The following RERE variants were observed in gnomAD, a reference collection of about 807,000 sequenced individuals.
The protein encoded by RERE is arginine-glutamic acid dipeptide repeats protein.
Under a neutral mutation model 146.1 loss-of-function variants are expected in RERE, and 40 were observed. That is an observed-to-expected ratio of 0.27 (90% CI 0.21 to 0.36). RERE has a LOEUF of 0.36. Ranked by LOEUF, RERE falls within the 10% of genes least tolerant of loss-of-function variation. The probability of loss-of-function intolerance (pLI) is 1.00; values close to 1 mark genes in which losing one functional copy is unlikely to be tolerated. For missense variants in RERE, 1,933 were observed against 2,138.7 expected (o/e 0.90, Z 1.90); for synonymous variants, 1,003 against 866.0 (o/e 1.16, Z -2.78).
At chr1:8,609,920 C>G (rs1232689993) in intron 4 of RERE, among the ~76,000 whole-genome samples, 1 of 152,066 alleles carries the variant, frequency 6.6e-6, no homozygotes, top group African/African-American at 2.4e-5. Flanking sequence ...AGACACATGC[C>G]ACCACACCCA....
At chr1:8,428,188 T>C (rs1404911334) in intron 11 of RERE, among the ~76,000 whole-genome samples, 1 of 152,214 alleles carries the variant, frequency 6.6e-6, no homozygotes, top group Non-Finnish European at 1.5e-5. Flanking sequence ...AGTCACTGAC[T>C]TGGCCACTGC....
At chr1:8,525,956 A>T in intron 7 of RERE, 1 of 1,345,672 alleles carries the variant, frequency 7.4e-7, no homozygotes, top group Non-Finnish European at 9.5e-7. Flanking sequence ...CAGAACGCAG[A>T]AACTTCCCCT....
chr1:8,357,028 G>C (rs901081555), intron 20 of RERE, among the ~76,000 whole-genome samples: 1 of 152,124 alleles, frequency 6.6e-6, no homozygotes, highest in Non-Finnish European at 1.5e-5. Flanking sequence ...CGGCCTTCTC[G>C]AAACCGCCAT....
At chr1:8,506,314 A>G (rs1055432733) in intron 8 of RERE, among the ~76,000 whole-genome samples, 1 of 152,236 alleles carries the variant, frequency 6.6e-6, no homozygotes, top group East Asian at 1.9e-4. Flanking sequence ...GTCCTCCTGC[A>G]GCTTCTTTCA....
chr1:8,560,739 T>C (rs1004747929), intron 4 of RERE, among the ~76,000 whole-genome samples: 2 of 152,188 alleles, frequency 1.3e-5, no homozygotes, highest in Non-Finnish European at 2.9e-5. Context: ...CACAGAAAAA[T>C]CTGAAGAACT....
chr1:8,672,485 T>C (rs551453886), intron 1 of RERE, among the ~76,000 whole-genome samples: 1 of 152,316 alleles, frequency 6.6e-6, no homozygotes, highest in South Asian at 2.1e-4. Context: ...GGAAATCTAA[T>C]TTAAAGAGAT....
At chr1:8,619,065 G>T (rs1464807968) in intron 3 of RERE, among the ~76,000 whole-genome samples, 2 of 152,130 alleles carry the variant, frequency 1.3e-5, no homozygotes, top group Non-Finnish European at 2.9e-5. Flanking sequence ...AGAGGGATAT[G>T]GTATTAAACG....
intron 7 of RERE, among the ~76,000 whole-genome samples, chr1:8,539,307 A>G (rs1374650587): frequency 6.6e-6 from 1 of 152,236 alleles, no homozygotes; most frequent in African/African-American, 2.4e-5. Context: ...TGCTTAAGAA[A>G]TATTACCACT....
intron 1 of RERE, among the ~76,000 whole-genome samples, chr1:8,802,997 G>T (rs1641615138): frequency 6.6e-6 from 1 of 152,094 alleles, no homozygotes; most frequent in Non-Finnish European, 1.5e-5. Flanking sequence ...GAAGTCCTTG[G>T]ACACTGCAAC....
At chr1:8,667,300 T>C (rs774229958) in intron 1 of RERE, among the ~76,000 whole-genome samples, 3 of 152,234 alleles carry the variant, frequency 2.0e-5, no homozygotes, top group Non-Finnish European at 1.5e-5. Flanking sequence ...TAATCTTTAT[T>C]ATTTGAAGCA....
intron 12 of RERE, among the ~76,000 whole-genome samples, chr1:8,420,461 G>GCCCTC (rs377751181): frequency 1.3e-5 from 2 of 152,264 alleles, no homozygotes; most frequent in African/African-American, 4.8e-5. Context: ...AATGACCTCT[G>GCCCTC]CCCTCCCCTC....
At position 8,690,102 on chromosome 1, in the gene RERE, C is replaced by G. The variant is rs1288078159; in HGVS notation, c.-144-33661G>C. ...ATTAGTCCGCCATAACAGAATACCA[C>G]AGACTGGGTGGCTTAAACAGCAAAA... On this transcript the variant is annotated intron_variant, in intron 1 of 22. Transcript: ENST00000400908. Among the ~76,000 whole-genome samples, 3 of 152,206 alleles carry G rather than the reference C, an allele frequency of 2.0e-5. No homozygotes were observed. In the East Asian group the frequency reaches 5.8e-4, roughly 29 times the overall value.
intron 1 of RERE, among the ~76,000 whole-genome samples, chr1:8,791,614 A>G (rs1391545604): frequency 6.6e-6 from 1 of 152,202 alleles, no homozygotes; most frequent in African/African-American, 2.4e-5. Context: ...CATTTCTACA[A>G]CAAGTTACAT....
chr1:8,398,619 T>G (rs1345893538), intron 12 of RERE, among the ~76,000 whole-genome samples: 2 of 152,194 alleles, frequency 1.3e-5, no homozygotes, highest in Non-Finnish European at 2.9e-5. Context: ...ATGTTTTGAC[T>G]CCCCAGTGAA....
At chr1:8,701,012 G>A (rs1216159148) in intron 1 of RERE, among the ~76,000 whole-genome samples, 1 of 152,154 alleles carries the variant, frequency 6.6e-6, no homozygotes, top group Admixed American at 6.5e-5. Flanking sequence ...ACGGTGGCAT[G>A]GGAGAGGGAT....
chr1:8,800,760 T>A (rs1475398003), intron 1 of RERE, among the ~76,000 whole-genome samples: 1 of 149,380 alleles, frequency 6.7e-6, no homozygotes, highest in Non-Finnish European at 1.5e-5. Flanking sequence ...AGGTCAGGAG[T>A]TTGAGACCAG....
intron 15 of RERE, 134 bp from the exon 16 acceptor site, chr1:8,362,978 A>C (rs1641649061): frequency 1.0e-6 from 1 of 957,394 alleles, no homozygotes. Context: ...CTTGGCAAAC[A>C]ACAGGCCGCC....
intron 4 of RERE, among the ~76,000 whole-genome samples, chr1:8,576,397 A>AGTT (rs956200514): frequency 1.3e-5 from 2 of 152,340 alleles, no homozygotes; most frequent in East Asian, 3.9e-4. Flanking sequence ...ATAAGAAGAA[A>AGTT]GTTACATGTA....
intron 1 of RERE, among the ~76,000 whole-genome samples, chr1:8,807,233 T>C (rs1233018164): frequency 6.6e-6 from 1 of 152,124 alleles, no homozygotes; most frequent in African/African-American, 2.4e-5. Context: ...TAATTTTTTT[T>C]GCAGAGACGG....
Sources: gnomAD v4.1 joint callset for allele counts (sites outside exome capture counted in the v4.1 genomes callset) on GRCh38, gnomAD v4.1.1 for gene constraint, MANE v1.5 for transcripts, NCBI Gene and HGNC (gene_info 2026-07-23, HGNC 2026-07-21) for gene names.